The following PTPRD variants were observed in gnomAD, a reference collection of about 807,000 sequenced individuals.
The protein encoded by PTPRD is receptor-type tyrosine-protein phosphatase delta.
A neutral mutation model predicts 214.5 loss-of-function variants in PTPRD; 34 were observed. The ratio of observed to expected loss-of-function variants is 0.16; its 90% confidence interval spans 0.12 to 0.21. The LOEUF (loss-of-function observed/expected upper bound fraction) is 0.21, where lower values mean the gene tolerates loss of function less well. PTPRD is among the 10% of genes least tolerant of loss of function. The pLI, the probability that PTPRD is intolerant of heterozygous loss-of-function variation, is 1.00. For missense variants in PTPRD, 2,545 were observed against 2,398.7 expected (o/e 1.06, Z -1.27); for synonymous variants, 1,128 against 845.7 (o/e 1.33, Z -5.79).
Position 9,431,985 on chromosome 9 carries a change from T to A in PTPRD, c.-236-34503A>T, listed in dbSNP as rs192646393. ...AGTTAATGGTTGCAGCACACCACCATGGCACATGTATACATACGTAACAAA... is the reference window on the plus strand; with the variant it reads ...AGTTAATGGTTGCAGCACACCACCAAGGCACATGTATACATACGTAACAAA... On this transcript the variant is annotated intron_variant, in intron 8 of 45. Transcript: ENST00000381196. 1.5e-3 allele frequency among the ~76,000 whole-genome samples: 222 copies of A among 150,998 alleles called. 2 individuals carry two copies. Among genetic ancestry groups the A allele is most frequent in the African/African-American group, 5.0e-3 (204 of 41,098 alleles).
intron 14 of PTPRD, among the ~76,000 whole-genome samples, chr9:8,529,789 T>C (rs1226993992): frequency 6.6e-6 from 1 of 152,134 alleles, no homozygotes; most frequent in Non-Finnish European, 1.5e-5. Flanking sequence ...TGTTTGAAGA[T>C]CATGAATTTT....
intron 11 of PTPRD, among the ~76,000 whole-genome samples, chr9:8,739,573 G>A (rs1021498177): frequency 1.3e-5 from 2 of 152,200 alleles, no homozygotes. Flanking sequence ...CAGAAAGTCA[G>A]TGTTTTTTGG....
At chr9:8,945,186 C>G (rs1364491567) in intron 11 of PTPRD, among the ~76,000 whole-genome samples, 1 of 144,286 alleles carries the variant, frequency 6.9e-6, no homozygotes, top group Non-Finnish European at 1.5e-5. Flanking sequence ...TGTAATCTCT[C>G]TTGAATTTAT....
At chr9:8,428,461 T>C (rs1268680287) in intron 35 of PTPRD, among the ~76,000 whole-genome samples, 1 of 152,196 alleles carries the variant, frequency 6.6e-6, no homozygotes, top group Non-Finnish European at 1.5e-5. Flanking sequence ...TCTCAACTTT[T>C]TTAAAAACAA....
intron 5 of PTPRD, among the ~76,000 whole-genome samples, chr9:9,848,899 CAATT>C (rs1323185456): frequency 6.6e-6 from 1 of 151,858 alleles, no homozygotes; most frequent in African/African-American, 2.4e-5. Context: ...CTTTAAAAAT[CAATT>C]AATAAAAAAT....
intron 11 of PTPRD, among the ~76,000 whole-genome samples, chr9:8,740,117 T>C (rs1373678719): frequency 1.3e-5 from 2 of 152,140 alleles, no homozygotes; most frequent in Non-Finnish European, 2.9e-5. Context: ...TTTCATAGAA[T>C]GTAAAGGGAA....
At chr9:10,208,337 ACC>A (rs1272268952) in intron 3 of PTPRD, among the ~76,000 whole-genome samples, 1 of 152,126 alleles carries the variant, frequency 6.6e-6, no homozygotes, top group Non-Finnish European at 1.5e-5. Flanking sequence ...ACACGGTGAA[ACC>A]CCGTCTCTAC....
At chr9:8,473,505 T>C (rs1232303267) in intron 30 of PTPRD, among the ~76,000 whole-genome samples, 1 of 152,308 alleles carries the variant, frequency 6.6e-6, no homozygotes, top group East Asian at 1.9e-4. Context: ...TCAAGGAACC[T>C]CTTGCTTTTC....
At chr9:10,110,152 T>A (rs1375369646) in intron 3 of PTPRD, among the ~76,000 whole-genome samples, 5 of 152,204 alleles carry the variant, frequency 3.3e-5, no homozygotes, top group Non-Finnish European at 7.3e-5. Context: ...AAGTACTTAT[T>A]GACACAAAGT....
intron 12 of PTPRD, among the ~76,000 whole-genome samples, chr9:8,696,167 G>A (rs1217170585): frequency 1.3e-5 from 2 of 151,920 alleles, no homozygotes; most frequent in African/African-American, 2.4e-5. Context: ...GTTTTTCAAG[G>A]TAACAACACA....
chr9:10,378,758 T>C lies in PTPRD; in HGVS notation c.-599-37741A>G, dbSNP rs190914819. Among the ~76,000 whole-genome samples, 73 of 152,140 alleles carry C rather than the reference T, an allele frequency of 4.8e-4. No individual in the cohort carries two copies. The East Asian group carries it at 0.013, about 27-fold the overall frequency. On this transcript the variant is annotated intron_variant, in intron 2 of 45. Transcript: ENST00000381196. ...TTGAAGTCAGGTAATGTGAATCCCC[T>C]GGTTTTGTACCTTTTGCATAGAATA... is the stretch of plus-strand genomic sequence containing the variant.
In PTPRD at chr9:8,853,779, G is replaced by A. The variant is rs368345844; in HGVS notation, c.-103-119833C>T. Among the ~76,000 whole-genome samples, 19 of 152,226 alleles carry A rather than the reference G, an allele frequency of 1.2e-4. No homozygotes were observed. In the South Asian group the frequency reaches 2.5e-3, roughly 20 times the overall value. On this transcript the variant is annotated intron_variant, in intron 11 of 45. Coordinates refer to ENST00000381196, the MANE Select transcript of PTPRD (RefSeq NM_002839.4). ...AATCACTGATAATATAAAAAAGAATGTTTTAAAACACTGGTTTTGCTTGAG... is the reference window on the plus strand; with the variant it reads ...AATCACTGATAATATAAAAAAGAATATTTTAAAACACTGGTTTTGCTTGAG...
chr9:9,604,134 T>A (rs1201371193), intron 7 of PTPRD, among the ~76,000 whole-genome samples: 12 of 152,058 alleles, frequency 7.9e-5, no homozygotes, highest in Non-Finnish European at 1.6e-4. Flanking sequence ...GGAGAGTTGA[T>A]CCCTAGTTTT....
chr9:8,363,020 A>G (rs929804947), intron 39 of PTPRD, among the ~76,000 whole-genome samples: 8 of 152,224 alleles, frequency 5.3e-5, no homozygotes, highest in South Asian at 2.1e-4. Context: ...TATATATGCA[A>G]TTGCCTACTG....
At chr9:9,328,835 A>G (rs2041183571) in intron 9 of PTPRD, among the ~76,000 whole-genome samples, 1 of 150,570 alleles carries the variant, frequency 6.6e-6, no homozygotes, top group African/African-American at 2.4e-5. Context: ...ACAGGGTTTC[A>G]CTATGTTGGC....
intron 7 of PTPRD, among the ~76,000 whole-genome samples, chr9:9,599,103 T>C (rs754082772): frequency 1.3e-5 from 2 of 152,092 alleles, no homozygotes; most frequent in Non-Finnish European, 2.9e-5. Context: ...TATTATTTAG[T>C]ACCCATGACT....
At chr9:10,576,968 C>CT (rs5896404) in intron 2 of PTPRD, among the ~76,000 whole-genome samples, 27 of 151,432 alleles carry the variant, frequency 1.8e-4, no homozygotes, top group South Asian at 1.5e-3. Context: ...TTTATTTCTA[C>CT]TTTTTTTTTT....
intron 4 of PTPRD, among the ~76,000 whole-genome samples, chr9:9,984,802 C>T (rs1382465514): frequency 6.6e-6 from 1 of 151,936 alleles, no homozygotes; most frequent in Non-Finnish European, 1.5e-5. Context: ...CCTGGAATAC[C>T]CAGTGTCCAT....
chr9:10,269,837 G>C (rs1011791094), intron 3 of PTPRD, among the ~76,000 whole-genome samples: 1 of 151,706 alleles, frequency 6.6e-6, no homozygotes, highest in Admixed American at 6.6e-5. Flanking sequence ...ATTCTAAAAA[G>C]TAAACTTCAA....
Sources: allele counts gnomAD v4.1 joint callset (sites outside exome capture counted in the v4.1 genomes callset), GRCh38; gene constraint gnomAD v4.1.1; transcripts MANE v1.5; gene names NCBI Gene and HGNC (gene_info 2026-07-23, HGNC 2026-07-21).